HLTF: variants seen among roughly 807,000 people sequenced by gnomAD.
HLTF encodes the protein helicase like transcription factor, also known as DNA-dependent ATPase/E3 ubiquitin-protein ligase HLTF.
Under a neutral mutation model 129.4 loss-of-function variants are expected in HLTF, and 127 were observed. That is an observed-to-expected ratio of 0.98 (90% CI 0.85 to 1.14). The LOEUF is 1.14. HLTF is among the 50% of genes most tolerant of loss of function. The pLI is 0.00. For synonymous variants in HLTF, 332 were observed against 388.8 expected, an observed-to-expected ratio of 0.85 and a Z score of 1.72; for missense variants, 1,139 against 1,187.1, an observed-to-expected ratio of 0.96 and a Z score of 0.60.
At chr3:149,064,902 T>C in intron 8 of HLTF, 36 bp from the exon 9 acceptor site, 1 of 1,158,170 alleles carries the variant, frequency 8.6e-7, no homozygotes, top group South Asian at 1.3e-5. Flanking sequence ...ACAGTACTGC[T>C]ATCAGTTTTA....
rs1715108902 is a variant in HLTF, at chr3:149,032,103, TAAAA to T, written c.*113_*116del. 1 of 707,160 alleles carries T rather than the reference TAAAA, an allele frequency of 1.4e-6. No individual in the cohort carries two copies. The highest frequency in any genetic ancestry group is 3.5e-5 in the Admixed American group (1 of 28,296). 43.8% of individuals were successfully genotyped at this position (707,160 alleles called of 1,614,324 possible). Reference sequence around the variant, plus strand: ...TGTCAGTAATACCTCTTCACTAATATAAAATATGCCCCTTTTAGAAGACGTGTTC... The same window carrying T: ...TGTCAGTAATACCTCTTCACTAATATTATGCCCCTTTTAGAAGACGTGTTC... On this transcript the variant is annotated 3_prime_UTR_variant, in exon 25 of 25. Transcript: ENST00000310053.
At chr3:149,051,443 T>C (rs1387722683) in intron 14 of HLTF, among the ~76,000 whole-genome samples, 2 of 152,146 alleles carry the variant, frequency 1.3e-5, no homozygotes, top group Admixed American at 1.3e-4. Flanking sequence ...TAAGAATGAA[T>C]GAAATTTCCT....
intron 2 of HLTF, among the ~76,000 whole-genome samples, chr3:149,082,321 T>C (rs1278586934): frequency 6.6e-6 from 1 of 152,058 alleles, no homozygotes; most frequent in Non-Finnish European, 1.5e-5. Flanking sequence ...TAGCCGGGCA[T>C]GGTGGCAGGC....
chr3:149,048,270 C>A, intron 16 of HLTF, 107 bp from the exon 17 acceptor site: 2 of 669,380 alleles, frequency 3.0e-6, no homozygotes, highest in Non-Finnish European at 4.8e-6. Context: ...CACTCTGTAC[C>A]AGGCTCATCA....
intron 21 of HLTF, 72 bp from the exon 22 acceptor site, chr3:149,039,765 TAAAGA>T (rs923750128): frequency 2.4e-6 from 2 of 821,268 alleles, no homozygotes; most frequent in African/African-American, 1.8e-5. Flanking sequence ...GTTTTTATCA[TAAAGA>T]AAAGGTCCTG....
chr3:149,071,984 T>G (rs1363220009), intron 5 of HLTF, among the ~76,000 whole-genome samples: 1 of 152,118 alleles, frequency 6.6e-6, no homozygotes, highest in Non-Finnish European at 1.5e-5. Flanking sequence ...GCCTAGTAGG[T>G]AGAGGATAGA....
chr3:149,074,169 G>T, intron 4 of HLTF, 46 bp downstream of exon 4: 1 of 1,555,436 alleles, frequency 6.4e-7, no homozygotes, highest in Non-Finnish European at 8.7e-7. Context: ...CATAATCCCT[G>T]CATCTTACAA....
chr3:149,046,045 A>C (rs747659820), intron 18 of HLTF, 35 bp downstream of exon 18: 9 of 1,526,656 alleles, frequency 5.9e-6, no homozygotes, highest in South Asian at 2.4e-5. Context: ...AAGTAAACAA[A>C]AACTAATTTT....
In HLTF at chr3:149,030,696, T is replaced by G. The variant is rs1311790927; in HGVS notation, c.*1524A>C. 6.6e-6 allele frequency: 1 copy of G among 152,224 alleles called. No homozygotes were observed. The highest frequency in any genetic ancestry group is 1.9e-4 in the East Asian group (1 of 5,202). The allele number at this position is 152,224 out of a possible 1,614,324, so 9.4% of individuals were successfully genotyped here. On this transcript the variant is annotated 3_prime_UTR_variant, in exon 25 of 25. Coordinates refer to ENST00000310053, the MANE Select transcript of HLTF (RefSeq NM_003071.4). ...TAATGCTAGCGGGCTAATCCCACAT[T>G]ATTATTCCACTATCATCCCTGCAGA...
rs1345544551 is a variant in HLTF at position 149,084,865 on chromosome 3, C to T, written c.45G>A (p.Gln15=). ...FKRDPVWKYL[Q]TVQYGVHGNF... The stretch of plus-strand genomic sequence containing the variant: ...TTCCATGAACTCCATACTGGACAGT[C>T]TGCAAGTACTTCCAAACTGGATCCC... The change falls in exon 2 of 25, where the codon CAG becomes CAA. Residue 15 remains glutamine, a synonymous_variant. Transcript: ENST00000310053. 6.8e-6 allele frequency: 11 copies of T among 1,613,484 alleles called. No homozygotes were observed. The highest frequency in any genetic ancestry group is 8.5e-6 in the Non-Finnish European group (10 of 1,179,684).
At chr3:149,058,285 C>T (rs1717643314) in intron 13 of HLTF, among the ~76,000 whole-genome samples, 1 of 151,930 alleles carries the variant, frequency 6.6e-6, no homozygotes, top group Admixed American at 6.6e-5. Flanking sequence ...TGTTGCCCAC[C>T]CCTGATCTTG....
rs772282479 is a variant in HLTF at position 149,071,235 on chromosome 3, A to C, written c.894+17T>G. 2.0e-6 allele frequency: 3 copies of C among 1,464,096 alleles called. No individual in the cohort carries two copies. In the South Asian group the frequency reaches 4.0e-5, roughly 20 times the overall value. The allele number at this position is 1,464,096 out of a possible 1,614,324, so 90.7% of individuals were successfully genotyped here. A position where few individuals can be genotyped will look rare whatever the true frequency, so the allele number is the denominator to read the frequency against. ...TCACAAAATTAGATTTTATTAACTA[A>C]AGAAAAAAATAATTACCAAACCCAT... is the stretch of plus-strand genomic sequence containing the variant. On this transcript the variant is annotated intron_variant, in intron 7 of 24. Transcript: ENST00000310053.
chr3:149,034,978 T>A lies in HLTF; in HGVS notation c.2817A>T (p.Glu939Asp). Residue 939 changes from glutamate (E) to aspartate (D), a missense_variant, in exon 24 of 25, where the codon GAA (glutamate) becomes GAT (aspartate). Transcript: ENST00000310053. ...TATGGCATCTGTCAAAGCACTGATC[T>A]TCAGCAGCAGGATTCCAGGCCTAAC... Reference protein sequence around the residue: ...LMDPAWNPAAEDQCFDRCHRL... With the variant: ...LMDPAWNPAADDQCFDRCHRL... 6.2e-7 allele frequency: 1 copy of A among 1,613,734 alleles called. No homozygotes were observed. The highest frequency in any genetic ancestry group is 1.1e-5 in the South Asian group (1 of 91,082).
chr3:149,057,024 G>A (rs1270437610), intron 13 of HLTF, among the ~76,000 whole-genome samples: 1 of 148,116 alleles, frequency 6.8e-6, no homozygotes, highest in Admixed American at 6.8e-5. Context: ...CAGGAGAATG[G>A]CGTGAACCCC....
At chr3:149,038,408 G>C (rs1303923610) in intron 23 of HLTF, among the ~76,000 whole-genome samples, 1 of 152,196 alleles carries the variant, frequency 6.6e-6, no homozygotes, top group Non-Finnish European at 1.5e-5. Flanking sequence ...CATGGACTAT[G>C]ATTCTGGTTT....
intron 13 of HLTF, 135 bp from the exon 14 acceptor site, chr3:149,055,535 A>G: frequency 1.6e-6 from 1 of 633,672 alleles, no homozygotes; most frequent in Non-Finnish European, 2.8e-6. Flanking sequence ...GACTTTTAAC[A>G]GGGAATAAAT....
At position 149,074,351 on chromosome 3, in the gene HLTF, A is replaced by G; in HGVS notation, c.396-3T>C. 2 of 1,597,054 alleles carry G rather than the reference A, an allele frequency of 1.3e-6. No homozygotes were observed. Among genetic ancestry groups the G allele is most frequent in the Non-Finnish European group, 1.7e-6 (2 of 1,173,852 alleles). On this transcript the variant is annotated splice_region_variant and splice_polypyrimidine_tract_variant and intron_variant, in intron 3 of 24. Transcript: ENST00000310053. The stretch of plus-strand genomic sequence containing the variant: ...TGTTTGCACCAAAAGGAACTACCCT[A>G]TTATATTTGGGAGAAAAAGAAAGGG...
chr3:149,034,608 A>G (rs867607603), intron 24 of HLTF, among the ~76,000 whole-genome samples: 2 of 152,210 alleles, frequency 1.3e-5, no homozygotes, highest in Non-Finnish European at 2.9e-5. Flanking sequence ...AAAAGTGTTC[A>G]TCTAAATGTA....
chr3:149,067,336 C>G (rs1365639432), intron 8 of HLTF, among the ~76,000 whole-genome samples: 3 of 151,850 alleles, frequency 2.0e-5, no homozygotes, highest in Admixed American at 2.0e-4. Flanking sequence ...AAGTGAGGAA[C>G]CAAACTCCAC....
Sources: gnomAD v4.1 joint callset for allele counts (sites outside exome capture counted in the v4.1 genomes callset) on GRCh38, gnomAD v4.1.1 for gene constraint, MANE v1.5 for transcripts, NCBI Gene and HGNC (gene_info 2026-07-23, HGNC 2026-07-21) for gene names.